CCDC149: variants seen among roughly 807,000 people sequenced by gnomAD.
The protein encoded by CCDC149 is coiled-coil domain-containing protein 149.
CCDC149 carries 45 observed loss-of-function variants against 59.9 expected under a neutral mutation model. The ratio of observed to expected loss-of-function variants is 0.75; its 90% confidence interval spans 0.59 to 0.96. The LOEUF is 0.96. Ranked by LOEUF, CCDC149 falls within the 40% of genes least tolerant of loss-of-function variation. The pLI is 0.00. For missense variants in CCDC149, 584 were observed against 664.7 expected (o/e 0.88, Z 1.33); for synonymous variants, 245 against 260.6 (o/e 0.94, Z 0.58).
intron 12 of CCDC149, among the ~76,000 whole-genome samples, chr4:24,814,826 T>C (rs1023958003): frequency 2.6e-5 from 4 of 152,156 alleles, no homozygotes; most frequent in African/African-American, 9.6e-5. Context: ...CCTCTCCTTA[T>C]TCCCTCTACT....
At chr4:24,903,036 A>AAAAAC (rs1721267858) in intron 1 of CCDC149, among the ~76,000 whole-genome samples, 1 of 151,130 alleles carries the variant, frequency 6.6e-6, no homozygotes, top group African/African-American at 2.4e-5. Flanking sequence ...AAAAAAAAAA[A>AAAAAC]AAAAAAAAAA....
chr4:24,818,866 C>A (rs1229276795), intron 12 of CCDC149, among the ~76,000 whole-genome samples: 1 of 152,172 alleles, frequency 6.6e-6, no homozygotes, highest in Non-Finnish European at 1.5e-5. Context: ...CCTGATACAA[C>A]ATGGAAGACG....
At chr4:24,895,737 G>A (rs1720811543) in intron 1 of CCDC149, among the ~76,000 whole-genome samples, 1 of 152,130 alleles carries the variant, frequency 6.6e-6, no homozygotes, top group Non-Finnish European at 1.5e-5. Flanking sequence ...CACTTTCTTG[G>A]AGCCTCTGCT....
At chr4:24,827,313 T>C (rs1715813876) in intron 9 of CCDC149, 1 of 152,282 alleles carries the variant, frequency 6.6e-6, no homozygotes, top group African/African-American at 2.4e-5. Context: ...CTACCCCAGG[T>C]GGCCTCCTTT....
intron 1 of CCDC149, among the ~76,000 whole-genome samples, chr4:24,941,779 T>C (rs1004157971): frequency 2.2e-4 from 33 of 152,148 alleles, no homozygotes; most frequent in African/African-American, 7.7e-4. Flanking sequence ...TCTACACAAA[T>C]AAACTAGAAA....
intron 4 of CCDC149, among the ~76,000 whole-genome samples, chr4:24,850,280 T>C (rs376799413): frequency 5.0e-4 from 76 of 152,308 alleles, no homozygotes; most frequent in African/African-American, 1.5e-3. Context: ...AGAATGCTAA[T>C]TTATAGGATA....
At chr4:24,895,017 G>A in intron 1 of CCDC149, 2 of 1,536,304 alleles carry the variant, frequency 1.3e-6, no homozygotes, top group Non-Finnish European at 1.7e-6. Flanking sequence ...GGCCGCTCTG[G>A]CGATGATGAT....
At chr4:24,869,009 T>C (rs1718863679) in intron 3 of CCDC149, among the ~76,000 whole-genome samples, 1 of 152,224 alleles carries the variant, frequency 6.6e-6, no homozygotes, top group Admixed American at 6.5e-5. Flanking sequence ...CAGCAAAATG[T>C]CCAGCACAGC....
intron 1 of CCDC149, among the ~76,000 whole-genome samples, chr4:24,979,498 C>A (rs1240660630): frequency 6.6e-6 from 1 of 152,180 alleles, no homozygotes; most frequent in Non-Finnish European, 1.5e-5. Flanking sequence ...TGAAGCCTAC[C>A]TCTAGACTTG....
At chr4:24,820,158 C>G (rs770208902) in intron 11 of CCDC149, 183 bp from the exon 12 acceptor site, 7 of 553,204 alleles carry the variant, frequency 1.3e-5, no homozygotes, top group Admixed American at 9.9e-5. Context: ...TAGCCCTAAC[C>G]CTTGCACACA....
At chr4:24,825,087 C>T (rs1462034444) in intron 9 of CCDC149, among the ~76,000 whole-genome samples, 2 of 152,088 alleles carry the variant, frequency 1.3e-5, no homozygotes, top group African/African-American at 2.4e-5. Context: ...GAGCAGGAGC[C>T]GAGTCCGTTA....
At chr4:24,965,509 A>G (rs1345654315) in intron 1 of CCDC149, among the ~76,000 whole-genome samples, 1 of 143,868 alleles carries the variant, frequency 7.0e-6, no homozygotes, top group African/African-American at 2.8e-5. Context: ...AAATTCCCCA[A>G]TGTTTCAAAC....
chr4:24,831,459 C>T (rs1342114845), intron 9 of CCDC149, 47 bp downstream of exon 9: 1 of 1,603,776 alleles, frequency 6.2e-7, no homozygotes, highest in Admixed American at 1.7e-5. Flanking sequence ...TAGCCTCGTC[C>T]CACTTCCTTC....
chr4:24,872,226 T>C (rs1401953835), intron 3 of CCDC149, among the ~76,000 whole-genome samples: 1 of 152,236 alleles, frequency 6.6e-6, no homozygotes, highest in African/African-American at 2.4e-5. Flanking sequence ...AATGTGCATG[T>C]AAAACCATTG....
chr4:24,886,367 C>T (rs528258031), intron 1 of CCDC149, among the ~76,000 whole-genome samples: 1 of 152,320 alleles, frequency 6.6e-6, no homozygotes, highest in Admixed American at 6.5e-5. Context: ...GACTCTGTGA[C>T]ATTTCAGTCT....
chr4:24,860,177 T>A (rs1718283876), intron 3 of CCDC149, among the ~76,000 whole-genome samples: 2 of 152,170 alleles, frequency 1.3e-5, no homozygotes, highest in Admixed American at 1.3e-4. Context: ...GGCATCACAC[T>A]ACCTGACTTC....
At chr4:24,830,471 C>T (rs1202522231) in intron 9 of CCDC149, 2 of 152,402 alleles carry the variant, frequency 1.3e-5, no homozygotes, top group Non-Finnish European at 2.9e-5. Flanking sequence ...CTTTCTTCCA[C>T]ATACATCTTC....
Position 24,889,196 on chromosome 4 carries a change from C to A in CCDC149, c.64-12499G>T, listed in dbSNP as rs559364531. Among the ~76,000 whole-genome samples, 4 of 152,326 alleles carry A rather than the reference C, an allele frequency of 2.6e-5. No individual in the cohort carries two copies. The East Asian group carries it at 5.8e-4, about 22-fold the overall frequency. ...TCACTTCTCTTATTTCTCCTTTCCTCCCTCTCACCATCTCAGTCTCTGCAT... is the reference window on the plus strand; with the variant it reads ...TCACTTCTCTTATTTCTCCTTTCCTACCTCTCACCATCTCAGTCTCTGCAT... On this transcript the variant is annotated intron_variant, in intron 1 of 12. Transcript: ENST00000635206.
At chr4:24,904,941 G>A (rs914842993) in intron 1 of CCDC149, among the ~76,000 whole-genome samples, 22 of 151,852 alleles carry the variant, frequency 1.4e-4, no homozygotes, top group Non-Finnish European at 2.9e-4. Context: ...GCACTCTGTC[G>A]CCCAGGCTGG....
Sources: allele counts gnomAD v4.1 joint callset (sites outside exome capture counted in the v4.1 genomes callset), GRCh38; gene constraint gnomAD v4.1.1; transcripts MANE v1.5; gene names NCBI Gene and HGNC (gene_info 2026-07-23, HGNC 2026-07-21).